RAVER2: variants seen among roughly 807,000 people sequenced by gnomAD.
The protein encoded by RAVER2 is ribonucleoprotein PTB-binding 2.
In RAVER2, 46 loss-of-function variants were observed where a neutral mutation model predicts 78.1. That is an observed-to-expected ratio of 0.59 (90% CI 0.46 to 0.75). The LOEUF is 0.75. RAVER2 is among the 30% of genes least tolerant of loss of function. The pLI is 0.00. For missense variants in RAVER2, 793 were observed against 837.5 expected (o/e 0.95, Z 0.66); for synonymous variants, 311 against 313.3 (o/e 0.99, Z 0.08).
chr1:64,746,715 A>G (rs757352792), intron 1 of RAVER2, among the ~76,000 whole-genome samples: 3 of 152,140 alleles, frequency 2.0e-5, no homozygotes, highest in Admixed American at 6.6e-5. Context: ...CCATTCCGCC[A>G]TGGTCCACTT....
chr1:64,833,202 A>ATCT (rs1336874811), exon 12 of RAVER2: 2 of 211,178 alleles, frequency 9.5e-6, no homozygotes, highest in East Asian at 7.1e-5. Flanking sequence ...TGAAAATGAA[A>ATCT]TCTTAATATT....
intron 11 of RAVER2, among the ~76,000 whole-genome samples, chr1:64,817,034 A>C (rs1653772483): frequency 6.6e-6 from 1 of 152,244 alleles, no homozygotes; most frequent in Admixed American, 6.5e-5. Flanking sequence ...CAGAATCTAC[A>C]AAGAACTCAA....
chr1:64,802,593 G>T (rs1479674708), intron 5 of RAVER2, among the ~76,000 whole-genome samples: 1 of 152,088 alleles, frequency 6.6e-6, no homozygotes, highest in Non-Finnish European at 1.5e-5. Context: ...GACAAGGATT[G>T]TATCTTGTCC....
chr1:64,833,168 G>T, exon 12 of RAVER2: 1 of 188,878 alleles, frequency 5.3e-6, no homozygotes, highest in Non-Finnish European at 1.1e-5. Flanking sequence ...ATTTTTCTAT[G>T]TAAGCAAATT....
At chr1:64,797,774 T>G (rs1316505754) in intron 5 of RAVER2, among the ~76,000 whole-genome samples, 1 of 152,170 alleles carries the variant, frequency 6.6e-6, no homozygotes, top group Non-Finnish European at 1.5e-5. Context: ...TATATCTATA[T>G]GTTTATATGT....
chr1:64,769,306 C>T (rs555866229), intron 2 of RAVER2, among the ~76,000 whole-genome samples: 1 of 151,926 alleles, frequency 6.6e-6, no homozygotes, highest in South Asian at 2.1e-4. Context: ...TGTTGAATTT[C>T]TTCAGATTCA....
intron 11 of RAVER2, chr1:64,816,147 T>G (rs1653751498): frequency 1.3e-5 from 2 of 152,184 alleles, no homozygotes; most frequent in African/African-American, 4.8e-5. Context: ...TTTGAACTTT[T>G]ATTTCTTTTT....
At chr1:64,780,295 A>G (rs1487982758) in intron 3 of RAVER2, among the ~76,000 whole-genome samples, 1 of 152,192 alleles carries the variant, frequency 6.6e-6, no homozygotes, top group Non-Finnish European at 1.5e-5. Flanking sequence ...TAAGAGGAAT[A>G]GGGTTGTTGG....
intron 2 of RAVER2, among the ~76,000 whole-genome samples, chr1:64,774,803 C>T (rs940188661): frequency 1.3e-5 from 2 of 152,160 alleles, no homozygotes; most frequent in African/African-American, 4.8e-5. Context: ...TCTTCCTATC[C>T]ATGAGCATGG....
chr1:64,778,499 G>A (rs1245550117), intron 3 of RAVER2, among the ~76,000 whole-genome samples: 5 of 152,212 alleles, frequency 3.3e-5, no homozygotes, highest in East Asian at 1.9e-4. Context: ...AGACGGACAA[G>A]TAAGCAAATA....
chr1:64,778,083 G>A (rs753937189), exon 3 of RAVER2: 1 of 1,597,346 alleles, frequency 6.3e-7, no homozygotes, highest in Non-Finnish European at 8.5e-7. Flanking sequence ...ATAAACCTGT[G>A]TTTTGCCAGG....
At chr1:64,781,784 GT>G (rs1652636985) in intron 4 of RAVER2, among the ~76,000 whole-genome samples, 1 of 152,024 alleles carries the variant, frequency 6.6e-6, no homozygotes, top group Admixed American at 6.5e-5. Context: ...AAGAAATTGT[GT>G]TTAGTAAAGT....
At chr1:64,825,142 A>G (rs1242687643) in intron 11 of RAVER2, among the ~76,000 whole-genome samples, 1 of 152,112 alleles carries the variant, frequency 6.6e-6, no homozygotes, top group Non-Finnish European at 1.5e-5. Context: ...CACAGAATGA[A>G]GCATATTGAT....
intron 1 of RAVER2, among the ~76,000 whole-genome samples, chr1:64,767,020 G>C (rs959694967): frequency 6.6e-6 from 1 of 152,012 alleles, no homozygotes; most frequent in South Asian, 2.1e-4. Context: ...TTACAAAATT[G>C]GTAAGTGTAT....
At chr1:64,761,946 A>C (rs1451289268) in intron 1 of RAVER2, among the ~76,000 whole-genome samples, 1 of 148,310 alleles carries the variant, frequency 6.7e-6, no homozygotes, top group African/African-American at 2.4e-5. Flanking sequence ...CCCTGTCTCT[A>C]CCAAAAAAAA....
chr1:64,832,753 G>GAT (rs1398976207), exon 12 of RAVER2: 5 of 152,192 alleles, frequency 3.3e-5, no homozygotes, highest in Admixed American at 2.0e-4. Flanking sequence ...ATAAGTAACT[G>GAT]ATAAGAATTA....
intron 5 of RAVER2, among the ~76,000 whole-genome samples, chr1:64,791,701 A>G (rs1195381571): frequency 1.3e-5 from 2 of 152,162 alleles, no homozygotes; most frequent in African/African-American, 2.4e-5. Flanking sequence ...TGTCTTGACA[A>G]CATGAAGGAT....
intron 11 of RAVER2, among the ~76,000 whole-genome samples, chr1:64,824,577 G>A (rs755750347): frequency 1.3e-5 from 2 of 152,134 alleles, no homozygotes; most frequent in Admixed American, 6.5e-5. Flanking sequence ...CAATAACTTG[G>A]AAAGTACTTT....
chr1:64,787,436 A>G (rs1652812078), intron 4 of RAVER2, among the ~76,000 whole-genome samples: 1 of 152,140 alleles, frequency 6.6e-6, no homozygotes. Context: ...TGCCTTCACC[A>G]TCTAGGCTTG....
Sources: allele counts gnomAD v4.1 joint callset (sites outside exome capture counted in the v4.1 genomes callset), GRCh38; gene constraint gnomAD v4.1.1; transcripts MANE v1.5; gene names NCBI Gene and HGNC (gene_info 2026-07-23, HGNC 2026-07-21).